ACOX3: variants seen among roughly 807,000 people sequenced by gnomAD.
ACOX3 encodes peroxisomal acyl-coenzyme A oxidase 3.
ACOX3 carries 73 observed loss-of-function variants against 81.5 expected under a neutral mutation model. That is an observed-to-expected ratio of 0.90 (90% CI 0.74 to 1.09). The LOEUF is 1.09. Ranked by LOEUF, ACOX3 falls within the 50% of genes least tolerant of loss-of-function variation. ACOX3 has a pLI of 0.00. For missense variants in ACOX3, 947 were observed against 928.0 expected (o/e 1.02, Z -0.27); for synonymous variants, 387 against 375.1 (o/e 1.03, Z -0.37).
chr4:8,426,348 T>C (rs766728852), intron 1 of ACOX3, among the ~76,000 whole-genome samples: 1 of 151,740 alleles, frequency 6.6e-6, no homozygotes, highest in Non-Finnish European at 1.5e-5. Flanking sequence ...GTGTCTGGAG[T>C]GGAGTCTTAG....
chr4:8,360,911 T>C, the ACOX3 span, among the ~76,000 whole-genome samples: 2 of 152,150 alleles, frequency 1.3e-5, no homozygotes, highest in South Asian at 2.1e-4. Flanking sequence ...TGTCCTAGGC[T>C]AAATTCCACA....
chr4:8,425,705 T>C (rs895093614), intron 1 of ACOX3, among the ~76,000 whole-genome samples: 1 of 150,808 alleles, frequency 6.6e-6, no homozygotes, highest in African/African-American at 2.4e-5. Flanking sequence ...CTAGTCTGGA[T>C]AGATACTTTC....
chr4:8,400,250 CAATAATAATAAT>C lies in ACOX3; in HGVS notation c.777-610_777-599del, dbSNP rs3068615. 1.0e-4 allele frequency among the ~76,000 whole-genome samples: 15 copies of C among 146,260 alleles called. No individual in the cohort carries two copies. The highest frequency in any genetic ancestry group is 1.5e-4 in the Non-Finnish European group (10 of 67,008). On this transcript the variant is annotated intron_variant, in intron 7 of 17. Transcript: ENST00000356406. This position sits in a 1 kb window ranked among gnomAD's most constrained non-coding sequence, Gnocchi z 4.4. ...TTGGTGACAGAGCAAGACTCCACCT[CAATAATAATAAT>C]AATAATAATAATAATAATAATAAAA...
chr4:8,357,997 G>C, the ACOX3 span: 5 of 153,084 alleles, frequency 3.3e-5, no homozygotes, highest in East Asian at 9.6e-4. Flanking sequence ...CTGGAATTTA[G>C]ACACAACTGA....
rs981346151 is a variant in ACOX3, at chr4:8,394,347, G to A, written c.1179+273C>T. ...CGGGTAACGTGGATTTTGCAAAACCGTCATGTTCTCAAAAGGAGACCAACA... is the reference window on the plus strand; with the variant it reads ...CGGGTAACGTGGATTTTGCAAAACCATCATGTTCTCAAAAGGAGACCAACA... On this transcript the variant is annotated intron_variant, in intron 10 of 17. Coordinates refer to ENST00000356406, the MANE Select transcript of ACOX3 (RefSeq NM_003501.3). The surrounding 1 kb of genome is among the most constrained non-coding windows in gnomAD (Gnocchi z 5.9). Among the ~76,000 whole-genome samples the A allele has an allele frequency of 2.0e-5, 3 of 152,158 alleles. No homozygotes were observed. The highest frequency in any genetic ancestry group is 1.9e-4 in the East Asian group (1 of 5,186).
At chr4:8,388,486 C>T (rs1235718789) in intron 13 of ACOX3, among the ~76,000 whole-genome samples, 1 of 152,246 alleles carries the variant, frequency 6.6e-6, no homozygotes, top group African/African-American at 2.4e-5. Flanking sequence ...AGGGAAGCTG[C>T]TTTGCTTTCG....
intron 6 of ACOX3, among the ~76,000 whole-genome samples, chr4:8,409,648 CTG>C (rs1225035559): frequency 1.5e-5 from 2 of 136,158 alleles, no homozygotes; most frequent in South Asian, 2.5e-4. Context: ...GCAGGGCTGT[CTG>C]TGCACTGTGG....
At position 8,394,848 on chromosome 4, in the gene ACOX3, C is replaced by A; in HGVS notation, c.1057-106G>T. 1 of 1,423,020 alleles carries A rather than the reference C, an allele frequency of 7.0e-7. No individual in the cohort carries two copies. The highest frequency in any genetic ancestry group is 9.4e-7 in the Non-Finnish European group (1 of 1,063,282). 88.1% of individuals were successfully genotyped at this position (1,423,020 alleles called of 1,614,324 possible). A position where few individuals can be genotyped will look rare whatever the true frequency, so the allele number is the denominator to read the frequency against. ...GCAGGGAGAGGCCGTCAGGGCCACA[C>A]ACCCACTAGCGCTGAAGGTCTTCAC... On this transcript the variant is annotated intron_variant, in intron 9 of 17. Transcript: ENST00000356406. This position sits in a 1 kb window ranked among gnomAD's most constrained non-coding sequence, Gnocchi z 5.9.
rs377455741 is a variant in ACOX3 at position 8,399,518 on chromosome 4, G to A, written c.873+38C>T. 2.9e-5 allele frequency: 45 copies of A among 1,554,498 alleles called. No homozygotes were observed. The highest frequency in any genetic ancestry group is 3.9e-5 in the Non-Finnish European group (44 of 1,127,152). ...CCAGGCCCTGCAGAGGAAGGCACCT[G>A]GGAAGCACGGCACACGAACGGCCCC... On this transcript the variant is annotated intron_variant, in intron 8 of 17. Transcript: ENST00000356406. The surrounding 1 kb of genome is among the most constrained non-coding windows in gnomAD (Gnocchi z 4.9).
intron 8 of ACOX3, among the ~76,000 whole-genome samples, chr4:8,398,739 G>A (rs1028113764): frequency 6.6e-6 from 1 of 152,198 alleles, no homozygotes; most frequent in Non-Finnish European, 1.5e-5. Context: ...GCCTCCCACA[G>A]TGCTAGGGTT....
downstream of ACOX3, chr4:8,366,143 G>A (rs1353814901): frequency 6.6e-6 from 1 of 152,338 alleles, no homozygotes; most frequent in Non-Finnish European, 1.5e-5. Context: ...GCCCTGCAGG[G>A]AGCAGGAGTG....
In ACOX3 at chr4:8,400,159, G is replaced by A. The variant is rs1379522029; in HGVS notation, c.777-507C>T. On this transcript the variant is annotated intron_variant, in intron 7 of 17. Transcript: ENST00000356406. This position sits in a 1 kb window ranked among gnomAD's most constrained non-coding sequence, Gnocchi z 4.4. ...CCAGCTACTCAGGAGGCTGAGACAG[G>A]AGAATTGTTTGAACCCGGGCGGCGG... is the stretch of plus-strand genomic sequence containing the variant. 6.6e-6 allele frequency among the ~76,000 whole-genome samples: 1 copy of A among 152,088 alleles called. No individual in the cohort carries two copies. Among genetic ancestry groups the A allele is most frequent in the Non-Finnish European group, 1.5e-5 (1 of 68,022 alleles).
At chr4:8,424,822 G>C (rs950629910) in intron 1 of ACOX3, among the ~76,000 whole-genome samples, 14 of 152,250 alleles carry the variant, frequency 9.2e-5, no homozygotes, top group African/African-American at 3.4e-4. Context: ...GACTGATCCC[G>C]ACCTCAACTT....
chr4:8,429,267 AACGC>A, intron 1 of ACOX3, among the ~76,000 whole-genome samples: 1 of 152,368 alleles, frequency 6.6e-6, no homozygotes, highest in East Asian at 1.9e-4. Flanking sequence ...AGAGACAGCT[AACGC>A]TTAAAGTTCT....
At chr4:8,356,782 G>A in the ACOX3 span, 675 of 456,440 alleles carry the variant, frequency 1.5e-3, no homozygotes, top group Non-Finnish European at 2.7e-3. Context: ...CCCAGCAGGT[G>A]ACAGGAAGAA....
At chr4:8,398,003 G>A (rs7686550) in intron 8 of ACOX3, among the ~76,000 whole-genome samples, 19,979 of 152,190 alleles carry the variant, frequency 0.13, 1,972 homozygotes, top group African/African-American at 0.28. Context: ...TCTACTAAAA[G>A]TACGCAAATT....
intron 7 of ACOX3, among the ~76,000 whole-genome samples, chr4:8,404,397 G>A (rs141195672): frequency 5.8e-4 from 88 of 151,370 alleles, no homozygotes; most frequent in African/African-American, 2.1e-3. Flanking sequence ...TGCAGGACAG[G>A]TGGAGTTAGG....
chr4:8,433,603 A>C (rs1724070666), intron 1 of ACOX3, among the ~76,000 whole-genome samples: 1 of 152,242 alleles, frequency 6.6e-6, no homozygotes, highest in Non-Finnish European at 1.5e-5. Context: ...AGGGTGAGCC[A>C]GTGTGTCTGG....
intron 1 of ACOX3, among the ~76,000 whole-genome samples, chr4:8,420,246 CTGT>C (rs1722792250): frequency 6.6e-6 from 1 of 152,204 alleles, no homozygotes; most frequent in Non-Finnish European, 1.5e-5. Context: ...TATGGTACAA[CTGT>C]TAGAGATAAG....
Sources: gnomAD v4.1 joint callset for allele counts (sites outside exome capture counted in the v4.1 genomes callset) on GRCh38, gnomAD v4.1.1 for gene constraint, Gnocchi (gnomAD v3.1) non-coding constraint, MANE v1.5 for transcripts, NCBI Gene and HGNC (gene_info 2026-07-23, HGNC 2026-07-21) for gene names.